WDR7: variants seen among roughly 807,000 people sequenced by gnomAD.
WDR7 encodes the protein WD repeat domain 7.
Under a neutral mutation model 169.4 loss-of-function variants are expected in WDR7, and 46 were observed. That is an observed-to-expected ratio of 0.27 (90% CI 0.21 to 0.35). WDR7 has a LOEUF of 0.35. WDR7 is among the 10% of genes least tolerant of loss of function. WDR7 has a pLI of 1.00. For missense variants in WDR7, 1,534 were observed against 1,859.3 expected, an observed-to-expected ratio of 0.83 and a Z score of 3.22; for synonymous variants, 612 against 666.8, an observed-to-expected ratio of 0.92 and a Z score of 1.27.
chr18:56,791,110 A>G (rs1301835961), intron 19 of WDR7, among the ~76,000 whole-genome samples: 1 of 152,204 alleles, frequency 6.6e-6, no homozygotes, highest in African/African-American at 2.4e-5. Flanking sequence ...AATTGTTTTG[A>G]CAGTCAATGT....
At chr18:56,852,165 G>A (rs767883227) in intron 20 of WDR7, among the ~76,000 whole-genome samples, 43 of 152,258 alleles carry the variant, frequency 2.8e-4, no homozygotes, top group Non-Finnish European at 1.8e-4. Context: ...AGAAAAACGT[G>A]TTTTAAGGCC....
intron 27 of WDR7, among the ~76,000 whole-genome samples, chr18:57,024,244 A>G (rs2048326854): frequency 6.6e-6 from 1 of 152,156 alleles, no homozygotes; most frequent in South Asian, 2.1e-4. Context: ...AATTCCACAT[A>G]GTTTGCATTC....
chr18:56,869,002 A>G (rs190049390), intron 20 of WDR7, among the ~76,000 whole-genome samples: 1 of 152,304 alleles, frequency 6.6e-6, no homozygotes, highest in Admixed American at 6.5e-5. Context: ...TAGAGAATAA[A>G]GGGAAATATA....
At chr18:56,810,800 A>G (rs764042537) in intron 19 of WDR7, among the ~76,000 whole-genome samples, 1 of 152,284 alleles carries the variant, frequency 6.6e-6, no homozygotes, top group Middle Eastern at 3.4e-3. Flanking sequence ...AATTCACTTA[A>G]TATTAAATTC....
intron 4 of WDR7, 132 bp downstream of exon 4, chr18:56,681,523 T>C (rs141815536): frequency 2.6e-5 from 14 of 545,704 alleles, no homozygotes; most frequent in South Asian, 1.2e-4. Context: ...AAAACTAGAA[T>C]TGAAGCGGTA....
chr18:56,842,509 G>T (rs2045501627), intron 20 of WDR7, among the ~76,000 whole-genome samples: 1 of 152,132 alleles, frequency 6.6e-6, no homozygotes, highest in Non-Finnish European at 1.5e-5. Context: ...ACGCCATGTT[G>T]CAAGGTTTGA....
intron 13 of WDR7, among the ~76,000 whole-genome samples, chr18:56,729,523 G>A (rs2026536718): frequency 6.6e-6 from 1 of 151,960 alleles, no homozygotes; most frequent in African/African-American, 2.4e-5. Context: ...TTAACAGTAT[G>A]TTGTGGCTTT....
chr18:56,988,829 A>G (rs1599223447), intron 26 of WDR7, among the ~76,000 whole-genome samples: 1 of 152,138 alleles, frequency 6.6e-6, no homozygotes, highest in African/African-American at 2.4e-5. Context: ...TGCAATTATC[A>G]CAGTTAATAA....
intron 26 of WDR7, among the ~76,000 whole-genome samples, chr18:56,968,195 A>G (rs1310006319): frequency 6.6e-6 from 1 of 151,976 alleles, no homozygotes; most frequent in African/African-American, 2.4e-5. Flanking sequence ...TAACTTTACT[A>G]TTGAAAAGTT....
chr18:56,766,923 G>A (rs146494572), intron 16 of WDR7, among the ~76,000 whole-genome samples: 92 of 152,266 alleles, frequency 6.0e-4, no homozygotes, highest in African/African-American at 1.9e-3. Context: ...GCCTCTTTGC[G>A]TGTTTGATAA....
chr18:56,893,906 A>C (rs1474778918), intron 21 of WDR7, among the ~76,000 whole-genome samples: 1 of 152,048 alleles, frequency 6.6e-6, no homozygotes, highest in Non-Finnish European at 1.5e-5. Context: ...CAAAACTTTG[A>C]AAACTAGATG....
chr18:56,953,563 G>A (rs962804478), intron 25 of WDR7, among the ~76,000 whole-genome samples: 1 of 152,138 alleles, frequency 6.6e-6, no homozygotes, highest in Non-Finnish European at 1.5e-5. Context: ...TGCTATGCTG[G>A]GCCTGTCAGG....
chr18:56,699,971 CT>C, intron 12 of WDR7: 2 of 767,604 alleles, frequency 2.6e-6, no homozygotes, highest in Non-Finnish European at 3.2e-6. Context: ...TTTTTAATAT[CT>C]TTTTATCTAA....
At chr18:56,885,826 C>CA (rs1191655744) in intron 21 of WDR7, among the ~76,000 whole-genome samples, 3,462 of 76,146 alleles carry the variant, frequency 0.045, 79 homozygotes, top group African/African-American at 0.083. Context: ...GACTCTGTCT[C>CA]AAAAAAAAAA....
chr18:56,923,335 T>C (rs2046754060), intron 21 of WDR7, among the ~76,000 whole-genome samples: 1 of 152,222 alleles, frequency 6.6e-6, no homozygotes, highest in South Asian at 2.1e-4. Flanking sequence ...TATTGAACTA[T>C]TAACACGTTT....
chr18:56,721,011 G>A lies in WDR7; in HGVS notation c.1774+2852G>A, dbSNP rs74254797. ...GGAGTCAGTAAGGTACATCCTGGAG[G>A]TATTGACATTATTTATTTATTAAAT... On this transcript the variant is annotated intron_variant, in intron 13 of 27. Coordinates refer to ENST00000254442, the MANE Select transcript of WDR7 (RefSeq NM_015285.3). Among the ~76,000 whole-genome samples the A allele has an allele frequency of 2.7e-3, 407 of 151,846 alleles. 3 individuals carry two copies. The East Asian group carries it at 0.036, about 13-fold the overall frequency.
chr18:56,905,787 A>T (rs1259904224), intron 21 of WDR7, among the ~76,000 whole-genome samples: 1 of 152,144 alleles, frequency 6.6e-6, no homozygotes, highest in Non-Finnish European at 1.5e-5. Flanking sequence ...TACTAACTGT[A>T]GTGGATTGAA....
intron 20 of WDR7, among the ~76,000 whole-genome samples, chr18:56,849,544 A>C (rs1200151013): frequency 2.0e-5 from 3 of 152,178 alleles, no homozygotes; most frequent in Non-Finnish European, 4.4e-5. Context: ...CTTTCAAAAT[A>C]ATCACCTAAT....
At chr18:56,836,144 C>G (rs1184188149) in intron 20 of WDR7, among the ~76,000 whole-genome samples, 1 of 152,116 alleles carries the variant, frequency 6.6e-6, no homozygotes, top group African/African-American at 2.4e-5. Flanking sequence ...TGGTTAGAAC[C>G]AAACTTACAC....
Sources: allele counts gnomAD v4.1 joint callset (sites outside exome capture counted in the v4.1 genomes callset), GRCh38; gene constraint gnomAD v4.1.1; transcripts MANE v1.5; gene names NCBI Gene and HGNC (gene_info 2026-07-23, HGNC 2026-07-21).